Variants in RRM2 observed in about 807,000 individuals in gnomAD.
RRM2 encodes ribonucleoside-diphosphate reductase subunit M2.
RRM2 carries 6 observed loss-of-function variants against 45.9 expected under a neutral mutation model. The ratio of observed to expected loss-of-function variants is 0.13; its 90% CI spans 0.07 to 0.26. The LOEUF is 0.26. Ranked by LOEUF, RRM2 falls within the 10% of genes least tolerant of loss-of-function variation. The pLI is 1.00. For missense variants in RRM2, 343 were observed against 489.5 expected (o/e 0.70, Z 2.82); for synonymous variants, 177 against 173.0 (o/e 1.02, Z -0.18).
rs145067195 is a variant in RRM2 at position 10,169,854 on chromosome 2, C to G, written n.482+27479C>G. Reference sequence around the variant, plus strand: ...GGAGCTGGCTTTGAACTTCTGCCCACGCTGGAACTTGGGGAGAAGAGGGAG... The same window carrying G: ...GGAGCTGGCTTTGAACTTCTGCCCAGGCTGGAACTTGGGGAGAAGAGGGAG... On this transcript the variant is annotated intron_variant and non_coding_transcript_variant, in intron 3 of 3. Transcript: ENST00000381786. This position sits in a 1 kb window ranked among gnomAD's most constrained non-coding sequence, Gnocchi z 5.1. Among the ~76,000 whole-genome samples the G allele has an allele frequency of 2.6e-5, 4 of 152,166 alleles. No individual in the cohort carries two copies. The highest frequency in any genetic ancestry group is 5.9e-5 in the Non-Finnish European group (4 of 68,030).
intron 3 of RRM2, among the ~76,000 whole-genome samples, chr2:10,190,552 G>A (rs1480607556): frequency 7.1e-6 from 1 of 139,916 alleles, no homozygotes; most frequent in Non-Finnish European, 1.6e-5. Flanking sequence ...GTGGTGGTGA[G>A]GATGGTGGTG....
At chr2:10,165,879 G>A (rs6754570) in intron 3 of RRM2, among the ~76,000 whole-genome samples, 4 of 152,208 alleles carry the variant, frequency 2.6e-5, no homozygotes, top group African/African-American at 4.8e-5. Flanking sequence ...TGGTGACTCC[G>A]TACAGTGCTT....
chr2:10,142,139 G>C, intron 2 of RRM2: 1 of 1,559,408 alleles, frequency 6.4e-7, no homozygotes, highest in Non-Finnish European at 8.7e-7. Context: ...TGTGGCAGGC[G>C]CGTCTGTGAG....
chr2:10,159,277 G>A (rs1383693035), intron 3 of RRM2, among the ~76,000 whole-genome samples: 2 of 152,176 alleles, frequency 1.3e-5, no homozygotes, highest in African/African-American at 4.8e-5. Flanking sequence ...CAGACGATGA[G>A]CAAAGCCCCA....
chr2:10,122,761 T>G lies in RRM2; in HGVS notation c.-38T>G. 1 of 1,561,530 alleles carries G rather than the reference T, an allele frequency of 6.4e-7. No individual in the cohort carries two copies. Among genetic ancestry groups the G allele is most frequent in the Non-Finnish European group, 8.7e-7 (1 of 1,153,190 alleles). On this transcript the variant is annotated 5_prime_UTR_variant, in exon 1 of 10. Coordinates refer to ENST00000304567, the MANE Select transcript of RRM2 (RefSeq NM_001034.4). ...CCCGTGCACCCTGTCCCAGCCGTCC[T>G]GTCCTGGCTGCTCGCTCTGCTTCGC...
At position 10,123,899 on chromosome 2, in the gene RRM2, G is replaced by C. The variant is rs369440579; in HGVS notation, c.435+47G>C. 5 of 1,053,582 alleles carry C rather than the reference G, an allele frequency of 4.7e-6. No individual in the cohort carries two copies. In the Middle Eastern group the frequency reaches 8.0e-4, roughly 169 times the overall value. 65.3% of individuals were successfully genotyped at this position (1,053,582 alleles called of 1,614,324 possible). A position where few individuals can be genotyped will look rare whatever the true frequency, so the allele number is the denominator to read the frequency against. On this transcript the variant is annotated intron_variant, in intron 4 of 9. Transcript: ENST00000304567. Reference sequence around the variant, plus strand: ...CATTCATTTGACGTTGACGATCTGAGGTCGAACTAGTTCGCTTTCCTCGTC... The same window carrying C: ...CATTCATTTGACGTTGACGATCTGACGTCGAACTAGTTCGCTTTCCTCGTC...
intron 4 of RRM2, among the ~76,000 whole-genome samples, chr2:10,124,398 G>A (rs1268865331): frequency 6.6e-6 from 1 of 152,130 alleles, no homozygotes; most frequent in Non-Finnish European, 1.5e-5. Context: ...GAGCCACCAC[G>A]CCCGGCTCTG....
rs1222151231 is a variant in RRM2 at position 10,205,644 on chromosome 2, G to C, written n.483-4667G>C. ...AGATTTATGGCAGAGATGCTGGATG[G>C]AAAACAAACACACAGTTTGAGAGGG... On this transcript the variant is annotated intron_variant and non_coding_transcript_variant, in intron 3 of 3. Transcript: ENST00000381786. The surrounding 1 kb of genome is among the most constrained non-coding windows in gnomAD (Gnocchi z 4.8). Among the ~76,000 whole-genome samples, 1 of 152,140 alleles carries C rather than the reference G, an allele frequency of 6.6e-6. No homozygotes were observed. The highest frequency in any genetic ancestry group is 1.5e-5 in the Non-Finnish European group (1 of 68,012).
At chr2:10,166,808 C>T (rs1326282383) in intron 3 of RRM2, among the ~76,000 whole-genome samples, 1 of 152,204 alleles carries the variant, frequency 6.6e-6, no homozygotes, top group African/African-American at 2.4e-5. Context: ...CGCCTGTGTC[C>T]TAAGCACTCC....
intron 3 of RRM2, chr2:10,199,124 G>A (rs903552213): frequency 2.6e-5 from 4 of 152,150 alleles, no homozygotes; most frequent in Non-Finnish European, 5.9e-5. Flanking sequence ...GTCGTTATGG[G>A]ACACTGAACA....
chr2:10,124,201 G>C, intron 4 of RRM2: 1 of 268,958 alleles, frequency 3.7e-6, no homozygotes, highest in Non-Finnish European at 7.2e-6. Flanking sequence ...CGCCTCCTGG[G>C]TTCAAGCGAT....
chr2:10,201,416 TCACTC>T (rs1170639244), intron 3 of RRM2, among the ~76,000 whole-genome samples: 1 of 152,166 alleles, frequency 6.6e-6, no homozygotes, highest in Non-Finnish European at 1.5e-5. Flanking sequence ...ATCAAAAAGA[TCACTC>T]CAGTCTGTTA....
intron 3 of RRM2, among the ~76,000 whole-genome samples, chr2:10,209,731 A>T (rs55969366): frequency 0.012 from 1,854 of 152,120 alleles, 21 homozygotes; most frequent in South Asian, 0.038. Flanking sequence ...GTCCGTGGAG[A>T]CCTAAGGGGC....
intron 3 of RRM2, among the ~76,000 whole-genome samples, chr2:10,183,304 G>A (rs564842000): frequency 1.8e-4 from 28 of 152,222 alleles, no homozygotes; most frequent in Non-Finnish European, 3.7e-4. Flanking sequence ...CAGGACTCAC[G>A]GGGCTGATGT....
chr2:10,131,947 TG>T (rs1176312547), downstream of RRM2, among the ~76,000 whole-genome samples: 1 of 152,138 alleles, frequency 6.6e-6, no homozygotes. Context: ...GAGCCACTCC[TG>T]GGGCTCTTTT....
upstream of RRM2, among the ~76,000 whole-genome samples, chr2:10,140,922 G>T: frequency 6.6e-6 from 1 of 152,164 alleles, no homozygotes; most frequent in East Asian, 1.9e-4. Context: ...TCTCAGGTGG[G>T]CTTTAGGGAG....
At chr2:10,150,716 G>A (rs555121778) in intron 3 of RRM2, among the ~76,000 whole-genome samples, 5 of 144,944 alleles carry the variant, frequency 3.4e-5, no homozygotes, top group South Asian at 2.2e-4. Context: ...GCTTTCCGTC[G>A]CCAGAGTTTA....
At chr2:10,199,545 G>T (rs1664492831) in intron 3 of RRM2, among the ~76,000 whole-genome samples, 1 of 151,864 alleles carries the variant, frequency 6.6e-6, no homozygotes, top group Non-Finnish European at 1.5e-5. Context: ...ACTTTGGGAG[G>T]CCGAGGTGGG....
At chr2:10,124,057 AT>A in intron 4 of RRM2, 1 of 560,836 alleles carries the variant, frequency 1.8e-6, no homozygotes, top group Admixed American at 3.4e-5. Flanking sequence ...CTGAGACAAT[AT>A]TAAGTGGTAG....
Sources: gnomAD v4.1 joint callset for allele counts (sites outside exome capture counted in the v4.1 genomes callset) on GRCh38, gnomAD v4.1.1 for gene constraint, Gnocchi (gnomAD v3.1) non-coding constraint, MANE v1.5 for transcripts, NCBI Gene and HGNC (gene_info 2026-07-23, HGNC 2026-07-21) for gene names.